Variants in PSMB7 observed in about 807,000 individuals in gnomAD.
The protein encoded by PSMB7 is proteasome subunit beta type-7.
In PSMB7, 5 loss-of-function variants were observed where a neutral mutation model predicts 28.1. That is an observed-to-expected ratio of 0.18 (90% CI 0.09 to 0.37). The LOEUF is 0.37. Among genes scored for constraint, PSMB7 ranks in the 10% least tolerant of loss-of-function variants. The pLI is 1.00. For missense variants in PSMB7, 275 were observed against 346.2 expected (o/e 0.79, Z 1.63); for synonymous variants, 122 against 123.7 (o/e 0.99, Z 0.09).
At chr9:124,406,184 G>A (rs1588582433) in intron 4 of PSMB7, among the ~76,000 whole-genome samples, 2 of 152,058 alleles carry the variant, frequency 1.3e-5, no homozygotes, top group Non-Finnish European at 2.9e-5. Flanking sequence ...GCTAAGCTCA[G>A]CTGTTCCACT....
At chr9:124,415,117 G>C in intron 1 of PSMB7, 182 bp from the exon 2 acceptor site, 1 of 626,522 alleles carries the variant, frequency 1.6e-6, no homozygotes, top group Non-Finnish European at 2.8e-6. Flanking sequence ...TCTTACAAAG[G>C]GGCCGTGACG....
intron 4 of PSMB7, among the ~76,000 whole-genome samples, chr9:124,411,586 T>C (rs1185185421): frequency 6.6e-6 from 1 of 152,238 alleles, no homozygotes; most frequent in Non-Finnish European, 1.5e-5. Context: ...CTAAAATCAC[T>C]GCCTCTCTTA....
At chr9:124,361,625 G>A (rs1830466097) in intron 6 of PSMB7, among the ~76,000 whole-genome samples, 1 of 152,210 alleles carries the variant, frequency 6.6e-6, no homozygotes, top group Non-Finnish European at 1.5e-5. Context: ...TTTAAAAGAT[G>A]ATTTATGTGT....
In PSMB7 at chr9:124,405,314, C is replaced by T; in HGVS notation, c.511+3G>A. The T allele has an allele frequency of 6.3e-7, 1 of 1,590,888 alleles. No individual in the cohort carries two copies. Among genetic ancestry groups the T allele is most frequent in the Non-Finnish European group, 8.6e-7 (1 of 1,159,372 alleles). On this transcript the variant is annotated splice_donor_region_variant and intron_variant, in intron 5 of 7. Transcript: ENST00000259457. ...TTAAACATCAGGAAAACGTTACACT[C>T]ACCCATGGTGACATAAGGCAACTTA... is the stretch of plus-strand genomic sequence containing the variant.
chr9:124,354,222 A>C (rs542442223), intron 7 of PSMB7, among the ~76,000 whole-genome samples: 2 of 152,366 alleles, frequency 1.3e-5, no homozygotes, highest in South Asian at 4.1e-4. Context: ...ACCACTCTCA[A>C]GTCTCAAGAA....
rs1156377677 is a variant in PSMB7, at chr9:124,356,618, G to A, written c.722+146C>T. The A allele has an allele frequency of 2.8e-5, 25 of 905,486 alleles. No individual in the cohort carries two copies. Among genetic ancestry groups the A allele is most frequent in the Non-Finnish European group, 3.8e-5 (23 of 610,070 alleles). The allele number at this position is 905,486 out of a possible 1,614,324, so 56.1% of individuals were successfully genotyped here. ...ACTGTCATAAAGCAAGTAACAAGCC[G>A]AAGGTCTGTGTGGGAGGTTGATTTG... On this transcript the variant is annotated intron_variant, in intron 7 of 7. Coordinates refer to ENST00000259457, the MANE Select transcript of PSMB7 (RefSeq NM_002799.4). This position sits in a 1 kb window ranked among gnomAD's most constrained non-coding sequence, Gnocchi z 4.4.
chr9:124,384,592 A>G lies in PSMB7; in HGVS notation c.570+6T>C. The G allele has an allele frequency of 6.2e-7, 1 of 1,610,172 alleles. No homozygotes were observed. Among genetic ancestry groups the G allele is most frequent in the South Asian group, 1.1e-5 (1 of 90,082 alleles). On this transcript the variant is annotated splice_donor_region_variant and intron_variant, in intron 6 of 7. Transcript: ENST00000259457. ...AAAAAGAATAAAACTGCAGGGACTT[A>G]CATACCTCCATGTCTGGCCTAAACT...
At chr9:124,392,204 T>G (rs1244446377) in intron 5 of PSMB7, among the ~76,000 whole-genome samples, 1 of 152,236 alleles carries the variant, frequency 6.6e-6, no homozygotes, top group Non-Finnish European at 1.5e-5. Flanking sequence ...CTAGGTCCTA[T>G]TCTGAAGCAT....
At chr9:124,413,429 C>T (rs1198247713) in intron 3 of PSMB7, among the ~76,000 whole-genome samples, 1 of 151,814 alleles carries the variant, frequency 6.6e-6, no homozygotes, top group African/African-American at 2.4e-5. Context: ...ATCCTAAAAG[C>T]CATGTGGAAA....
intron 5 of PSMB7, among the ~76,000 whole-genome samples, chr9:124,397,764 CCA>C (rs1236704133): frequency 6.6e-6 from 1 of 152,218 alleles, no homozygotes; most frequent in Non-Finnish European, 1.5e-5. Context: ...AGCCTTGATT[CCA>C]CAGTGAATGC....
intron 6 of PSMB7, among the ~76,000 whole-genome samples, chr9:124,380,797 G>C (rs559030289): frequency 5.3e-5 from 8 of 152,220 alleles, no homozygotes; most frequent in African/African-American, 1.9e-4. Flanking sequence ...ACCTTAATTT[G>C]AGTTAATTTA....
chr9:124,364,030 G>A (rs1008941736), intron 6 of PSMB7, among the ~76,000 whole-genome samples: 4 of 152,136 alleles, frequency 2.6e-5, no homozygotes, highest in Admixed American at 2.6e-4. Flanking sequence ...TGAGAGAAAT[G>A]ACCCCAACAC....
chr9:124,357,520 G>A (rs56058032), intron 6 of PSMB7, among the ~76,000 whole-genome samples: 3,180 of 152,266 alleles, frequency 0.021, 41 homozygotes, highest in Admixed American at 0.04. Flanking sequence ...GACCAAGGGC[G>A]GGACCTCTTG....
intron 6 of PSMB7, among the ~76,000 whole-genome samples, chr9:124,374,039 C>T (rs894019080): frequency 1.6e-4 from 24 of 152,102 alleles, no homozygotes; most frequent in African/African-American, 5.3e-4. Flanking sequence ...TATGTCCATA[C>T]AACAGAATAC....
chr9:124,408,714 AG>A (rs34273970), intron 4 of PSMB7, among the ~76,000 whole-genome samples: 2 of 152,222 alleles, frequency 1.3e-5, no homozygotes, highest in African/African-American at 4.8e-5. Context: ...TATGTAAACA[AG>A]GGAAATTACA....
chr9:124,414,885 T>G lies in PSMB7; in HGVS notation c.113A>C (p.Lys38Thr). The change falls in exon 2 of 8, where the codon AAG becomes ACG. Residue 38 changes from lysine (K) to threonine (T), a missense_variant. Physicochemically the swap from Lys to Thr is moderately conservative, Grantham distance 78. This residue lies in a region of PSMB7 where 213 missense variants were observed against 302.4 expected (regional missense o/e 0.70). Coordinates refer to ENST00000259457, the MANE Select transcript of PSMB7 (RefSeq NM_002799.4). Reference sequence around the variant, plus strand: ...GATGGTCGTGCCAGTTTTCCGGACCTTTGGAAGCTTGTATCCCCTCTTTGC... The same window carrying G: ...GATGGTCGTGCCAGTTTTCCGGACCGTTGGAAGCTTGTATCCCCTCTTTGC... ...DFAKRGYKLP[K>T]VRKTGTTIAG... 1 of 1,613,930 alleles carries G rather than the reference T, an allele frequency of 6.2e-7. No homozygotes were observed. Among genetic ancestry groups the G allele is most frequent in the Non-Finnish European group, 8.5e-7 (1 of 1,179,924 alleles).
intron 6 of PSMB7, among the ~76,000 whole-genome samples, chr9:124,367,843 T>C (rs1161761633): frequency 6.6e-6 from 1 of 152,160 alleles, no homozygotes. Context: ...CTTCACCTGA[T>C]CCTACCCATC....
Position 124,374,880 on chromosome 9 carries a change from G to A in PSMB7, c.570+9718C>T, listed in dbSNP as rs147608297. Among the ~76,000 whole-genome samples the A allele has an allele frequency of 1.7e-3, 263 of 152,208 alleles. 1 individual carries two copies. The highest frequency in any genetic ancestry group is 6.0e-3 in the African/African-American group (251 of 41,536). On this transcript the variant is annotated intron_variant, in intron 6 of 7. Transcript: ENST00000259457. ...GGATTGGCCAGGCACGGTGGCTCAT[G>A]CCCGTAATCCCAGCACTTTAGGAGG...
chr9:124,414,000 G>A lies in PSMB7; in HGVS notation c.162C>T (p.Gly54=), dbSNP rs773738713. The A allele has an allele frequency of 1.6e-5, 26 of 1,605,840 alleles. No homozygotes were observed. The East Asian group carries it at 5.4e-4, about 33-fold the overall frequency. The change falls in exon 3 of 8, where the codon GGC becomes GGT. Residue 54 remains glycine (G), a synonymous_variant. Coordinates refer to ENST00000259457, the MANE Select transcript of PSMB7 (RefSeq NM_002799.4). ...TTIAGVVYKD[G]IVLGADTRAT... is the part of the protein sequence containing the mutation. ...CTCTTGTATCTGCTCCAAGAACTATGCCATCCTATTAAAAAAAAAAGTTTT... is the reference window on the plus strand; with the variant it reads ...CTCTTGTATCTGCTCCAAGAACTATACCATCCTATTAAAAAAAAAAGTTTT...
Sources: allele counts gnomAD v4.1 joint callset (sites outside exome capture counted in the v4.1 genomes callset), GRCh38; gene constraint gnomAD v4.1.1; regional missense constraint gnomAD v4.1.1; non-coding constraint Gnocchi (gnomAD v3.1); transcripts MANE v1.5; gene names NCBI Gene and HGNC (gene_info 2026-07-23, HGNC 2026-07-21).